PBX3: variants seen among roughly 807,000 people sequenced by gnomAD.
The protein encoded by PBX3 is PBX homeobox 3.
In PBX3, 14 loss-of-function variants were observed where a neutral mutation model predicts 48.5. The ratio of observed to expected loss-of-function variants is 0.29; its 90% CI spans 0.19 to 0.45. PBX3 has a LOEUF of 0.45. Among genes scored for constraint, PBX3 ranks in the 20% least tolerant of loss-of-function variants. PBX3 has a pLI of 1.00. For missense variants in PBX3, 386 were observed against 546.7 expected, an observed-to-expected ratio of 0.71 and a Z score of 2.93; for synonymous variants, 210 against 200.3, an observed-to-expected ratio of 1.05 and a Z score of -0.41.
Position 125,899,245 on chromosome 9 carries a change from A to G in PBX3, c.275-16441A>G, listed in dbSNP as rs1414218658. On this transcript the variant is annotated intron_variant, in intron 2 of 8. Coordinates refer to ENST00000373489, the MANE Select transcript of PBX3 (RefSeq NM_006195.6). The stretch of plus-strand genomic sequence containing the variant: ...TATATATATTTATATATAAATATAC[A>G]TATGTATATATATTTATATATAAAT... Among the ~76,000 whole-genome samples the G allele has an allele frequency of 8.9e-4, 117 of 131,218 alleles. 1 individual carries two copies. Among genetic ancestry groups the G allele is most frequent in the Non-Finnish European group, 1.4e-3 (88 of 62,796 alleles). The allele number at this position is 131,218 out of a possible 152,430, so 86.1% of individuals were successfully genotyped here. A position where few individuals can be genotyped will look rare whatever the true frequency, so the allele number is the denominator to read the frequency against.
chr9:125,900,859 C>G (rs1257914934), intron 2 of PBX3, among the ~76,000 whole-genome samples: 1 of 140,720 alleles, frequency 7.1e-6, no homozygotes, highest in Non-Finnish European at 1.5e-5. Flanking sequence ...ATGTGGGGGT[C>G]TTCTTCTTTC....
chr9:125,898,461 T>TA (rs1206984597), intron 2 of PBX3, among the ~76,000 whole-genome samples: 7 of 120,176 alleles, frequency 5.8e-5, no homozygotes, highest in Non-Finnish European at 1.3e-4. Context: ...AAAAAAAAAA[T>TA]AAAAAAAAGG....
At chr9:125,964,550 C>T (rs566210455) in intron 8 of PBX3, among the ~76,000 whole-genome samples, 12 of 146,162 alleles carry the variant, frequency 8.2e-5, no homozygotes, top group Admixed American at 1.4e-4. Context: ...TTTTGTTTTT[C>T]CTAACCTGAA....
chr9:125,755,672 GTTTTTTTTTTT>G (rs11310993), intron 2 of PBX3, among the ~76,000 whole-genome samples: 1 of 95,232 alleles, frequency 1.1e-5, no homozygotes, highest in African/African-American at 4.0e-5. Context: ...GAGGAGCTTT[GTTTTTTTTTTT>G]TTTTTTTTTT....
At chr9:125,768,378 C>T (rs1339729249) in intron 2 of PBX3, among the ~76,000 whole-genome samples, 4 of 152,112 alleles carry the variant, frequency 2.6e-5, no homozygotes, top group South Asian at 2.1e-4. Flanking sequence ...CCTTTATACT[C>T]CTAAAATAAG....
chr9:125,823,877 AC>A (rs1192220472), intron 2 of PBX3, among the ~76,000 whole-genome samples: 1 of 152,042 alleles, frequency 6.6e-6, no homozygotes, highest in Non-Finnish European at 1.5e-5. Context: ...GGAGTTCGAG[AC>A]CAGCTTGGCC....
chr9:125,770,225 G>T (rs1470103217), intron 2 of PBX3, among the ~76,000 whole-genome samples: 1 of 152,064 alleles, frequency 6.6e-6, no homozygotes, highest in Non-Finnish European at 1.5e-5. Flanking sequence ...TAACAGTAAA[G>T]CCTGTAAGTT....
chr9:125,966,986 C>T lies in PBX3; in HGVS notation c.*1063C>T, dbSNP rs552251385. ...GTTGCACTTGCAACTTTTAAAAAAC[C>T]GAGTGTGGAAACATTGGGTCTTAAT... is the stretch of plus-strand genomic sequence containing the variant. On this transcript the variant is annotated 3_prime_UTR_variant, in exon 9 of 9. Coordinates refer to ENST00000373489, the MANE Select transcript of PBX3 (RefSeq NM_006195.6). The T allele has an allele frequency of 7.2e-5, 11 of 152,132 alleles. No individual in the cohort carries two copies. Among genetic ancestry groups the T allele is most frequent in the African/African-American group, 2.2e-4 (9 of 41,364 alleles). 9.4% of individuals were successfully genotyped at this position (152,132 alleles called of 1,614,324 possible). A position where few individuals can be genotyped will look rare whatever the true frequency, so the allele number is the denominator to read the frequency against.
intron 2 of PBX3, among the ~76,000 whole-genome samples, chr9:125,880,121 T>G (rs888495020): frequency 3.3e-5 from 5 of 152,234 alleles, no homozygotes; most frequent in Admixed American, 6.5e-5. Context: ...CTCGGCTCAC[T>G]GCACCCTCCG....
At chr9:125,820,791 G>A (rs1471065597) in intron 2 of PBX3, among the ~76,000 whole-genome samples, 1 of 152,008 alleles carries the variant, frequency 6.6e-6, no homozygotes, top group African/African-American at 2.4e-5. Context: ...TATTTTTTTG[G>A]TCACATTTTG....
At chr9:125,837,704 C>T (rs1264595142) in intron 2 of PBX3, among the ~76,000 whole-genome samples, 1 of 152,026 alleles carries the variant, frequency 6.6e-6, no homozygotes, top group Non-Finnish European at 1.5e-5. Context: ...CATTCTTCCG[C>T]CTCAGCCACC....
At chr9:125,868,190 T>C (rs2132311333) in intron 2 of PBX3, among the ~76,000 whole-genome samples, 1 of 152,260 alleles carries the variant, frequency 6.6e-6, no homozygotes, top group African/African-American at 2.4e-5. Flanking sequence ...TTTTTTTTTT[T>C]TACATGCTTC....
At chr9:125,886,143 A>T (rs1341438984) in intron 2 of PBX3, among the ~76,000 whole-genome samples, 2 of 152,142 alleles carry the variant, frequency 1.3e-5, no homozygotes, top group Non-Finnish European at 2.9e-5. Flanking sequence ...TTGTGATTAA[A>T]AAGTGTATAG....
intron 2 of PBX3, among the ~76,000 whole-genome samples, chr9:125,847,590 T>C (rs984689802): frequency 2.6e-5 from 4 of 152,016 alleles, no homozygotes; most frequent in Non-Finnish European, 4.4e-5. Context: ...AGGACAAAAA[T>C]ACTGAAAGAA....
rs577508254 is a variant in PBX3, at chr9:125,967,322, C to T, written c.*1399C>T. On this transcript the variant is annotated 3_prime_UTR_variant, in exon 9 of 9. Coordinates refer to ENST00000373489, the MANE Select transcript of PBX3 (RefSeq NM_006195.6). ...CACCCTGGATTGAAAAAGTCTTCCT[C>T]GTGGTAGTTATATGTAGTTTCAAAC... 5.9e-5 allele frequency: 9 copies of T among 152,750 alleles called. No homozygotes were observed. The highest frequency in any genetic ancestry group is 1.0e-4 in the Non-Finnish European group (7 of 68,034). 9.5% of individuals were successfully genotyped at this position (152,750 alleles called of 1,614,324 possible). A position where few individuals can be genotyped will look rare whatever the true frequency, so the allele number is the denominator to read the frequency against.
At chr9:125,760,602 C>G (rs1433242504) in intron 2 of PBX3, among the ~76,000 whole-genome samples, 1 of 151,996 alleles carries the variant, frequency 6.6e-6, no homozygotes, top group Non-Finnish European at 1.5e-5. Context: ...TTTCTGTGGT[C>G]TATTTCATAG....
In PBX3 at chr9:125,814,162, C is replaced by CA. The variant is rs565547086; in HGVS notation, c.274+65556dup. ...TGGGCGACAGAGTGAGACTCCATCT[C>CA]AAAAAAAAAAAAAAAAAGTATCCTA... is the stretch of plus-strand genomic sequence containing the variant. On this transcript the variant is annotated intron_variant, in intron 2 of 8. Transcript: ENST00000373489. Among the ~76,000 whole-genome samples the CA allele has an allele frequency of 2.4e-3, 229 of 95,416 alleles. 1 individual carries two copies. Among genetic ancestry groups the CA allele is most frequent in the Middle Eastern group, 9.8e-3 (2 of 204 alleles). 62.6% of individuals were successfully genotyped at this position (95,416 alleles called of 152,430 possible).
At chr9:125,899,244 C>A (rs919951436) in intron 2 of PBX3, among the ~76,000 whole-genome samples, 1 of 122,686 alleles carries the variant, frequency 8.2e-6, no homozygotes, top group East Asian at 2.1e-4. Flanking sequence ...TATAAATATA[C>A]ATATGTATAT....
At chr9:125,797,290 A>T (rs1267865416) in intron 2 of PBX3, 1 of 152,172 alleles carries the variant, frequency 6.6e-6, no homozygotes, top group Non-Finnish European at 1.5e-5. Context: ...TTAAATTACT[A>T]ATCAGTAATG....
Sources: allele counts gnomAD v4.1 joint callset (sites outside exome capture counted in the v4.1 genomes callset), GRCh38; gene constraint gnomAD v4.1.1; transcripts MANE v1.5; gene names NCBI Gene and HGNC (gene_info 2026-07-23, HGNC 2026-07-21).